The following OCA2 variants were observed in gnomAD, a reference collection of about 807,000 sequenced individuals.
OCA2 encodes OCA2 melanosomal transmembrane protein.
OCA2 carries 77 observed loss-of-function variants against 100.2 expected under a neutral mutation model. The ratio of observed to expected loss-of-function variants is 0.77; its 90% CI spans 0.64 to 0.93. OCA2 has a LOEUF of 0.93. OCA2 is among the 40% of genes least tolerant of loss of function. The pLI, the probability that OCA2 is intolerant of heterozygous loss-of-function variation, is 0.00. For synonymous variants in OCA2, 432 were observed against 439.2 expected, an observed-to-expected ratio of 0.98 and a Z score of 0.21; for missense variants, 1,062 against 1,089.1, an observed-to-expected ratio of 0.98 and a Z score of 0.35.
the OCA2 span, among the ~76,000 whole-genome samples, chr15:27,722,213 T>C: frequency 6.6e-6 from 1 of 152,220 alleles, no homozygotes; most frequent in Non-Finnish European, 1.5e-5. Context: ...TTAGACCGGG[T>C]CGTGTATTCT....
chr15:28,068,588 T>C (rs2044096477), intron 2 of OCA2, among the ~76,000 whole-genome samples: 1 of 152,222 alleles, frequency 6.6e-6, no homozygotes, highest in South Asian at 2.1e-4. Flanking sequence ...CCCAACTCAC[T>C]CTATTAAGCC....
At chr15:27,816,009 C>T (rs2151245078) in intron 23 of OCA2, among the ~76,000 whole-genome samples, 1 of 152,290 alleles carries the variant, frequency 6.6e-6, no homozygotes, top group Admixed American at 6.5e-5. Context: ...TGGTGGGTGC[C>T]TGTAGTCCCA....
intron 19 of OCA2, among the ~76,000 whole-genome samples, chr15:27,889,497 G>GTA (rs2037368729): frequency 6.6e-6 from 1 of 152,292 alleles, no homozygotes; most frequent in East Asian, 1.9e-4. Flanking sequence ...AGGCAGCCGG[G>GTA]CAGGTGCTGA....
intron 21 of OCA2, among the ~76,000 whole-genome samples, chr15:27,857,471 G>C (rs541403105): frequency 1.3e-5 from 2 of 152,116 alleles, no homozygotes; most frequent in African/African-American, 4.8e-5. Flanking sequence ...AAGAGCTCTG[G>C]AAATGGATCG....
the OCA2 span, among the ~76,000 whole-genome samples, chr15:27,721,021 C>T: frequency 1.3e-5 from 2 of 152,180 alleles, no homozygotes; most frequent in Non-Finnish European, 2.9e-5. Context: ...TCCTCAGCAG[C>T]TGGCATGCAT....
intron 19 of OCA2, among the ~76,000 whole-genome samples, chr15:27,884,689 G>A (rs566082812): frequency 6.6e-6 from 1 of 152,306 alleles, no homozygotes; most frequent in South Asian, 2.1e-4. Flanking sequence ...ATGAAAAAGA[G>A]ATATTAGAAG....
In OCA2 at chr15:28,099,307, A is replaced by G. The variant is rs2045043117; in HGVS notation, c.-105T>C. On this transcript the variant is annotated 5_prime_UTR_variant, in exon 1 of 24. Coordinates refer to ENST00000354638, the MANE Select transcript of OCA2 (RefSeq NM_000275.3). ...ATGGTGAGCGGAGCACAGCCTTCGA[A>G]GTAAGAACTCAGAGGGAGCTCGGCG... The G allele has an allele frequency of 6.6e-6, 1 of 152,318 alleles. No homozygotes were observed. Among genetic ancestry groups the G allele is most frequent in the Non-Finnish European group, 1.5e-5 (1 of 68,162 alleles). The allele number at this position is 152,318 out of a possible 1,614,324, so 9.4% of individuals were successfully genotyped here.
rs528710121 is a variant in OCA2, at chr15:28,037,088, G to A, written c.228-4925C>T. ...CACCACTCAGGAAGACCACAGAGCA[G>A]GCAGGAAGGTCGAGAGCCAATGGCT... is the stretch of plus-strand genomic sequence containing the variant. On this transcript the variant is annotated intron_variant, in intron 2 of 23. Transcript: ENST00000354638. 7.9e-5 allele frequency among the ~76,000 whole-genome samples: 12 copies of A among 152,250 alleles called. No homozygotes were observed. The East Asian group carries it at 2.1e-3, about 27-fold the overall frequency.
At chr15:27,737,863 C>A in the OCA2 span, among the ~76,000 whole-genome samples, 1 of 152,302 alleles carries the variant, frequency 6.6e-6, no homozygotes, top group East Asian at 1.9e-4. Context: ...GGTCAGACAA[C>A]GTCATAGGAG....
intron 21 of OCA2, among the ~76,000 whole-genome samples, chr15:27,865,205 C>G (rs1415253413): frequency 6.6e-6 from 1 of 152,022 alleles, no homozygotes; most frequent in Non-Finnish European, 1.5e-5. Context: ...CCTGGAATAC[C>G]ACGCGAAGGC....
At chr15:27,993,756 G>C (rs735067) in intron 9 of OCA2, among the ~76,000 whole-genome samples, 91,189 of 151,610 alleles carry the variant, frequency 0.6, 31,594 homozygotes, top group Non-Finnish European at 0.79. Context: ...CTTAGGACAT[G>C]TGGATGCAGC....
chr15:27,854,801 G>A (rs1036317315), intron 21 of OCA2, among the ~76,000 whole-genome samples: 1 of 152,122 alleles, frequency 6.6e-6, no homozygotes, highest in African/African-American at 2.4e-5. Context: ...TGCTGTTGGT[G>A]CAAAGCCAGC....
intron 18 of OCA2, among the ~76,000 whole-genome samples, chr15:27,949,360 C>T (rs2039955984): frequency 6.6e-6 from 1 of 152,150 alleles, no homozygotes; most frequent in South Asian, 2.1e-4. Context: ...CACAGCAGGA[C>T]ACATTGAAAA....
At chr15:27,935,950 A>G (rs1164486084) in intron 18 of OCA2, among the ~76,000 whole-genome samples, 2 of 152,170 alleles carry the variant, frequency 1.3e-5, no homozygotes, top group Non-Finnish European at 2.9e-5. Flanking sequence ...GCATCTCCAG[A>G]GAGTATCTCA....
At chr15:28,066,812 CTACT>C (rs1424927735) in intron 2 of OCA2, among the ~76,000 whole-genome samples, 2 of 152,158 alleles carry the variant, frequency 1.3e-5, no homozygotes, top group Non-Finnish European at 2.9e-5. Context: ...GAGATTTCAT[CTACT>C]TAAAAAGAAC....
At chr15:27,931,321 T>C (rs1250083251) in intron 18 of OCA2, among the ~76,000 whole-genome samples, 3 of 151,910 alleles carry the variant, frequency 2.0e-5, no homozygotes, top group East Asian at 1.9e-4. Context: ...TTTTATCTAT[T>C]TATTTATTTA....
rs753144434 is a variant in OCA2 at position 28,024,829 on chromosome 15, C to A, written c.573+16G>T. 3 of 1,614,072 alleles carry A rather than the reference C, an allele frequency of 1.9e-6. No individual in the cohort carries two copies. Among genetic ancestry groups the A allele is most frequent in the Non-Finnish European group, 2.5e-6 (3 of 1,179,922 alleles). ...CACGGACCCAACAGTAGTGCTGGGG[C>A]AGCTAAGGTACTCACAGAACACAGC... On this transcript the variant is annotated intron_variant, in intron 5 of 23. Transcript: ENST00000354638.
intron 11 of OCA2, among the ~76,000 whole-genome samples, chr15:27,986,926 A>G (rs1419154371): frequency 2.0e-5 from 3 of 152,176 alleles, no homozygotes; most frequent in Non-Finnish European, 2.9e-5. Flanking sequence ...CAAAAAAATC[A>G]GGTGTTATTT....
chr15:27,796,967 C>T (rs752437778), intron 23 of OCA2, among the ~76,000 whole-genome samples: 9 of 152,144 alleles, frequency 5.9e-5, no homozygotes, highest in South Asian at 2.1e-4. Context: ...TTCTCCCAAC[C>T]TCACAGGAAG....
Sources: gnomAD v4.1 joint callset for allele counts (sites outside exome capture counted in the v4.1 genomes callset) on GRCh38, gnomAD v4.1.1 for gene constraint, MANE v1.5 for transcripts, NCBI Gene and HGNC (gene_info 2026-07-23, HGNC 2026-07-21) for gene names.